FRMD4A: variants seen among roughly 807,000 people sequenced by gnomAD.
The protein encoded by FRMD4A is FERM domain containing 4A, also known as FERM domain-containing protein 4A.
Under a neutral mutation model 129.1 loss-of-function variants are expected in FRMD4A, and 29 were observed. That is an observed-to-expected ratio of 0.22 (90% CI 0.17 to 0.31). The LOEUF is 0.31. Among genes scored for constraint, FRMD4A ranks in the 10% least tolerant of loss-of-function variants. The pLI is 1.00. For missense variants in FRMD4A, 1,272 were observed against 1,375.8 expected (o/e 0.92, Z 1.19); for synonymous variants, 634 against 571.6 (o/e 1.11, Z -1.56).
At chr10:13,933,713 T>C (rs548725876) in intron 2 of FRMD4A, among the ~76,000 whole-genome samples, 2 of 152,302 alleles carry the variant, frequency 1.3e-5, no homozygotes, top group Admixed American at 1.3e-4. Context: ...TTTTTGTTGA[T>C]ATTTTGGGTA....
chr10:13,804,637 CG>C (rs1046390475), intron 4 of FRMD4A, among the ~76,000 whole-genome samples: 252 of 151,828 alleles, frequency 1.7e-3, no homozygotes, highest in African/African-American at 5.8e-3. Context: ...TCCCGCCTCC[CG>C]GGTTCAAGCA....
intron 2 of FRMD4A, among the ~76,000 whole-genome samples, chr10:13,864,514 T>C (rs546308926): frequency 3.3e-4 from 50 of 151,940 alleles, no homozygotes; most frequent in Non-Finnish European, 2.9e-5. Context: ...CACTTGTTGA[T>C]GTCCTCTGTC....
At chr10:14,048,737 C>T (rs1434799561) in intron 2 of FRMD4A, among the ~76,000 whole-genome samples, 2 of 151,920 alleles carry the variant, frequency 1.3e-5, no homozygotes, top group Admixed American at 6.6e-5. Flanking sequence ...ACCTGGGAAG[C>T]GGAGGTTGCA....
At chr10:14,063,769 G>A (rs1190456062) in intron 2 of FRMD4A, among the ~76,000 whole-genome samples, 1 of 151,972 alleles carries the variant, frequency 6.6e-6, no homozygotes, top group African/African-American at 2.4e-5. Flanking sequence ...CTCCCATCTG[G>A]TATGCATTCT....
intron 2 of FRMD4A, among the ~76,000 whole-genome samples, chr10:14,058,526 T>C (rs1021177473): frequency 6.6e-6 from 1 of 152,190 alleles, no homozygotes; most frequent in Non-Finnish European, 1.5e-5. Flanking sequence ...CCATTTTCCA[T>C]AGTGTGGTAA....
intron 2 of FRMD4A, among the ~76,000 whole-genome samples, chr10:13,938,314 T>C (rs1334251919): frequency 6.6e-6 from 1 of 152,134 alleles, no homozygotes; most frequent in Non-Finnish European, 1.5e-5. Context: ...TGATCTCGGC[T>C]CACTGAAACC....
chr10:13,967,258 A>G (rs1452771263), intron 2 of FRMD4A, among the ~76,000 whole-genome samples: 2 of 151,974 alleles, frequency 1.3e-5, no homozygotes, highest in African/African-American at 2.4e-5. Flanking sequence ...AATGGCGTGA[A>G]CCCGGGAGGC....
At chr10:14,241,326 T>C (rs1485716437) in intron 2 of FRMD4A, among the ~76,000 whole-genome samples, 1 of 152,210 alleles carries the variant, frequency 6.6e-6, no homozygotes, top group Non-Finnish European at 1.5e-5. Flanking sequence ...CTGATCTCTT[T>C]AAACTCAATA....
chr10:14,059,635 T>C (rs375795053), intron 2 of FRMD4A, among the ~76,000 whole-genome samples: 1 of 152,218 alleles, frequency 6.6e-6, no homozygotes, highest in Non-Finnish European at 1.5e-5. Flanking sequence ...ACATTTCTAC[T>C]GTTTAGGCCA....
rs765747792 is a variant in FRMD4A at position 14,194,807 on chromosome 10, ATAT to A, written c.45+135248_45+135250del. On this transcript the variant is annotated intron_variant, in intron 2 of 24. Coordinates refer to ENST00000357447, the MANE Select transcript of FRMD4A (RefSeq NM_018027.5). ...ATTCTATTTATAGTATTATTAATCT[ATAT>A]TATTATCATATTATATCACATTCAT... Among the ~76,000 whole-genome samples, 652 of 151,896 alleles carry A rather than the reference ATAT, an allele frequency of 4.3e-3. 4 individuals are homozygous for A. The highest frequency in any genetic ancestry group is 6.8e-3 in the Non-Finnish European group (460 of 67,936).
At chr10:13,699,054 CTTTTTTTT>C (rs34061856) in intron 14 of FRMD4A, among the ~76,000 whole-genome samples, 1 of 128,190 alleles carries the variant, frequency 7.8e-6, no homozygotes, top group Non-Finnish European at 1.6e-5. Flanking sequence ...CTACAATAAT[CTTTTTTTT>C]TTTTTTTTTC....
At chr10:14,198,457 G>C (rs1466634053) in intron 2 of FRMD4A, among the ~76,000 whole-genome samples, 1 of 152,224 alleles carries the variant, frequency 6.6e-6, no homozygotes, top group Non-Finnish European at 1.5e-5. Context: ...AGCAAAGGCA[G>C]AGGAAGTGTC....
At chr10:13,798,649 G>A (rs1053721634) in intron 4 of FRMD4A, among the ~76,000 whole-genome samples, 1 of 152,178 alleles carries the variant, frequency 6.6e-6, no homozygotes, top group African/African-American at 2.4e-5. Flanking sequence ...CCTGGGAGGT[G>A]GAGCTTGCAG....
intron 2 of FRMD4A, chr10:13,866,308 A>G: frequency 1.0e-6 from 1 of 977,982 alleles, no homozygotes; most frequent in Non-Finnish European, 1.2e-6. Flanking sequence ...ACCACAGGAC[A>G]CCCTGAGGAT....
rs191979257 is a variant in FRMD4A, at chr10:13,859,417, A to G, written c.46-505T>C. Among the ~76,000 whole-genome samples the G allele has an allele frequency of 8.5e-4, 130 of 152,316 alleles. 1 individual carries two copies. Among genetic ancestry groups the G allele is most frequent in the Admixed American group, 2.5e-3 (38 of 15,296 alleles). On this transcript the variant is annotated intron_variant, in intron 2 of 24. Transcript: ENST00000357447. ...AGAAAATATCAATTGAGCACTTTCT[A>G]TATGCCAGGCACTTTTCTGGGAGCT...
intron 2 of FRMD4A, among the ~76,000 whole-genome samples, chr10:14,279,182 ATTTTTTTT>A (rs1223887250): frequency 8.0e-5 from 8 of 99,622 alleles, no homozygotes; most frequent in African/African-American, 2.9e-4. Flanking sequence ...AGGAAGCGGG[ATTTTTTTT>A]TTTTTTTTTT....
intron 2 of FRMD4A, among the ~76,000 whole-genome samples, chr10:14,019,253 G>A (rs976346548): frequency 2.0e-5 from 3 of 152,184 alleles, no homozygotes; most frequent in Admixed American, 2.0e-4. Flanking sequence ...TTAAGTATCT[G>A]ATGAATTTAC....
intron 2 of FRMD4A, among the ~76,000 whole-genome samples, chr10:14,242,753 G>C (rs553952516): frequency 6.6e-6 from 1 of 152,330 alleles, no homozygotes; most frequent in Admixed American, 6.5e-5. Context: ...GGGGAGGTCA[G>C]ACAGGGAGTC....
rs11259008 is a variant in FRMD4A at position 14,319,980 on chromosome 10, C to T, written c.45+10078G>A. Among the ~76,000 whole-genome samples, 639 of 152,298 alleles carry T rather than the reference C, an allele frequency of 4.2e-3. 1 individual carries two copies. Among genetic ancestry groups the T allele is most frequent in the African/African-American group, 0.015 (612 of 41,562 alleles). On this transcript the variant is annotated intron_variant, in intron 2 of 24. Coordinates refer to ENST00000357447, the MANE Select transcript of FRMD4A (RefSeq NM_018027.5). ...TTGTCCCAGCTGGCTCCTCCCTGTGCGTGTCCCCTGTCATCCATCTCCCAT... is the reference window on the plus strand; with the variant it reads ...TTGTCCCAGCTGGCTCCTCCCTGTGTGTGTCCCCTGTCATCCATCTCCCAT...
Sources: gnomAD v4.1 joint callset for allele counts (sites outside exome capture counted in the v4.1 genomes callset) on GRCh38, gnomAD v4.1.1 for gene constraint, MANE v1.5 for transcripts, NCBI Gene and HGNC (gene_info 2026-07-23, HGNC 2026-07-21) for gene names.